The following MCF2L2 variants were observed in gnomAD, a reference collection of about 807,000 sequenced individuals.
The protein encoded by MCF2L2 is probable guanine nucleotide exchange factor MCF2L2.
MCF2L2 carries 102 observed loss-of-function variants against 150.2 expected under a neutral mutation model. The ratio of observed to expected loss-of-function variants is 0.68; its 90% CI spans 0.58 to 0.80. The LOEUF (loss-of-function observed/expected upper bound fraction) is 0.80. Among genes scored for constraint, MCF2L2 ranks in the 30% least tolerant of loss-of-function variants. MCF2L2 has a pLI of 0.00. For missense variants in MCF2L2, 1,256 were observed against 1,372.8 expected (o/e 0.91, Z 1.34); for synonymous variants, 465 against 491.3 (o/e 0.95, Z 0.71).
chr3:183,264,981 T>C (rs1341269255), intron 15 of MCF2L2, among the ~76,000 whole-genome samples: 3 of 152,236 alleles, frequency 2.0e-5, no homozygotes, highest in Non-Finnish European at 2.9e-5. Context: ...CTGTCCCTTC[T>C]TCTCAGTCCA....
intron 6 of MCF2L2, 95 bp downstream of exon 6, chr3:183,323,140 A>G: frequency 1.2e-6 from 1 of 825,870 alleles, no homozygotes. Context: ...AGGCAGTCAC[A>G]GGGTGACCTC....
intron 25 of MCF2L2, 146 bp downstream of exon 25, chr3:183,205,730 A>C: frequency 3.1e-6 from 2 of 635,528 alleles, no homozygotes; most frequent in Non-Finnish European, 2.8e-6. Flanking sequence ...GAAATCAAGC[A>C]TAGGTGCTTC....
At chr3:183,288,732 G>A (rs146838061) in intron 14 of MCF2L2, among the ~76,000 whole-genome samples, 360 of 151,952 alleles carry the variant, frequency 2.4e-3, no homozygotes, top group African/African-American at 7.4e-3. Context: ...TTCCCACCTC[G>A]GCCTCCCAAA....
At chr3:183,297,594 G>A (rs1728585953) in intron 11 of MCF2L2, 1 of 153,338 alleles carries the variant, frequency 6.5e-6, no homozygotes. Flanking sequence ...GAGTAGCTGG[G>A]ACTACAGATG....
At chr3:183,212,904 T>C (rs997520980) in intron 22 of MCF2L2, among the ~76,000 whole-genome samples, 60 of 135,666 alleles carry the variant, frequency 4.4e-4, no homozygotes, top group African/African-American at 1.5e-3. Context: ...ACCCATCATT[T>C]AATTCTCACT....
intron 22 of MCF2L2, among the ~76,000 whole-genome samples, chr3:183,214,421 G>A (rs1722839726): frequency 6.6e-6 from 1 of 152,106 alleles, no homozygotes; most frequent in Non-Finnish European, 1.5e-5. Context: ...CATCATGGCT[G>A]GGATCACAGC....
chr3:183,298,724 C>T (rs73066024), intron 11 of MCF2L2: 10,768 of 149,740 alleles, frequency 0.072, 1,009 homozygotes, highest in African/African-American at 0.21. Flanking sequence ...TACTTGCTTT[C>T]TCTCTCTCTC....
intron 1 of MCF2L2, among the ~76,000 whole-genome samples, chr3:183,402,451 CAAA>C (rs779201489): frequency 5.5e-5 from 3 of 54,766 alleles, no homozygotes; most frequent in Non-Finnish European, 1.3e-4. Context: ...GAGACTCCAT[CAAA>C]AAAAAAAAAA....
At chr3:183,206,919 AAGGAAGGAAGGAAGG>A in intron 23 of MCF2L2, among the ~76,000 whole-genome samples, 1 of 11,226 alleles carries the variant, frequency 8.9e-5, no homozygotes, top group African/African-American at 2.4e-4. Flanking sequence ...GAAAGAAAGG[AAGGAAGGAAGGAAGG>A]AAGGAAGGAA....
At chr3:183,182,069 C>T (rs1721543836) in intron 27 of MCF2L2, among the ~76,000 whole-genome samples, 1 of 152,176 alleles carries the variant, frequency 6.6e-6, no homozygotes, top group East Asian at 1.9e-4. Flanking sequence ...GGGGGCACAG[C>T]GCTGGGCACA....
intron 10 of MCF2L2, among the ~76,000 whole-genome samples, chr3:183,302,544 T>G (rs1238939893): frequency 6.6e-6 from 1 of 152,108 alleles, no homozygotes; most frequent in Non-Finnish European, 1.5e-5. Flanking sequence ...CCCCTGGGTT[T>G]GGAGGGAGGA....
intron 25 of MCF2L2, among the ~76,000 whole-genome samples, chr3:183,196,303 C>T (rs184203014): frequency 5.1e-4 from 78 of 152,230 alleles, no homozygotes; most frequent in Non-Finnish European, 7.6e-4. Context: ...GCCCTAAGGT[C>T]ACTGTATTCT....
chr3:183,315,764 C>T (rs921271479), intron 7 of MCF2L2, among the ~76,000 whole-genome samples: 1 of 152,084 alleles, frequency 6.6e-6, no homozygotes, highest in African/African-American at 2.4e-5. Flanking sequence ...ACCCACTCAT[C>T]TGCCTTCCCT....
At chr3:183,391,849 T>C (rs1048876830) in intron 1 of MCF2L2, among the ~76,000 whole-genome samples, 1 of 152,210 alleles carries the variant, frequency 6.6e-6, no homozygotes, top group Non-Finnish European at 1.5e-5. Context: ...TACTCAGAAA[T>C]AGAGCTTCAG....
intron 18 of MCF2L2, chr3:183,226,021 T>C (rs978443070): frequency 6.6e-6 from 1 of 152,188 alleles, no homozygotes; most frequent in African/African-American, 2.4e-5. Context: ...TGAGCACCCA[T>C]TCCAGTGCTC....
At chr3:183,421,147 T>G (rs1470463640) in intron 1 of MCF2L2, among the ~76,000 whole-genome samples, 1 of 152,232 alleles carries the variant, frequency 6.6e-6, no homozygotes, top group African/African-American at 2.4e-5. Flanking sequence ...TGTGTTTGGG[T>G]GTGGATCTCT....
At chr3:183,201,349 G>A (rs1309415436) in intron 25 of MCF2L2, among the ~76,000 whole-genome samples, 1 of 152,128 alleles carries the variant, frequency 6.6e-6, no homozygotes, top group Admixed American at 6.5e-5. Flanking sequence ...CACATCCCTT[G>A]TAAGTTGGAT....
chr3:183,421,563 C>G (rs1715883878), intron 1 of MCF2L2, among the ~76,000 whole-genome samples: 1 of 152,224 alleles, frequency 6.6e-6, no homozygotes, highest in African/African-American at 2.4e-5. Context: ...GGATTGCAGG[C>G]ATAAGCCACC....
chr3:183,179,474 G>A lies in MCF2L2; in HGVS notation c.3251C>T (p.Ala1084Val). 6.2e-7 allele frequency: 1 copy of A among 1,604,250 alleles called. No homozygotes were observed. The highest frequency in any genetic ancestry group is 8.5e-7 in the Non-Finnish European group (1 of 1,174,954). ...TATRSTEEER[A>V]GASTGRLAPA... ...AGCCAGCCGGCCCGTGGACGCCCCA[G>A]CGCGCTCCTCCTCGGTGCTGCGGGT... The change falls in exon 30 of 30, where the codon GCT becomes GTT. Residue 1084 changes from alanine to valine, a missense_variant. Coordinates refer to ENST00000328913, the MANE Select transcript of MCF2L2 (RefSeq NM_015078.4). This position sits in a 1 kb window ranked among gnomAD's most constrained non-coding sequence, Gnocchi z 4.2.
Sources: allele counts gnomAD v4.1 joint callset (sites outside exome capture counted in the v4.1 genomes callset), GRCh38; gene constraint gnomAD v4.1.1; non-coding constraint Gnocchi (gnomAD v3.1); transcripts MANE v1.5; gene names NCBI Gene and HGNC (gene_info 2026-07-23, HGNC 2026-07-21).